ZBED6: variants seen among roughly 807,000 people sequenced by gnomAD.
The protein encoded by ZBED6 is zinc finger BED-type containing 6.
Under a neutral mutation model 58.4 loss-of-function variants are expected in ZBED6, and 40 were observed. That is an observed-to-expected ratio of 0.68 (90% CI 0.53 to 0.89). The LOEUF (loss-of-function observed/expected upper bound fraction) is 0.89, where lower values mean the gene tolerates loss of function less well. ZBED6 is among the 40% of genes least tolerant of loss of function. The pLI, the probability that ZBED6 is intolerant of heterozygous loss-of-function variation, is 0.00. For synonymous variants in ZBED6, 439 were observed against 350.6 expected, an observed-to-expected ratio of 1.25 and a Z score of -2.82; for missense variants, 1,057 against 1,003.9, an observed-to-expected ratio of 1.05 and a Z score of -0.71.
chr1:203,802,743 T>A (rs1571908234), exon 1 of ZBED6: 1 of 152,378 alleles, frequency 6.6e-6, no homozygotes, highest in Non-Finnish European at 1.5e-5. Context: ...TTGTTTTGTT[T>A]TGTTTTGTTT....
intron 10 of ZBED6, among the ~76,000 whole-genome samples, chr1:203,838,972 A>AAAAG (rs1558133942): frequency 1.3e-5 from 2 of 151,230 alleles, no homozygotes; most frequent in African/African-American, 2.4e-5. Flanking sequence ...AAAAAAAAAA[A>AAAAG]AAAGAAAGAA....
rs144752200 is a variant in ZBED6 at position 203,829,662 on chromosome 1, C to G, written c.*3201+8C>G. The G allele has an allele frequency of 2.8e-4, 453 of 1,614,218 alleles. 4 individuals are homozygous for G. The East Asian group carries it at 1.0e-2, about 35-fold the overall frequency. On this transcript the variant is annotated splice_region_variant and intron_variant, in intron 5 of 16. Transcript: ENST00000550078. ...ATGATGAAGATGATGATGGTAAGTT[C>G]TGTCTGGCTCCTTCTTTAAGGCAAA...
intron 16 of ZBED6, among the ~76,000 whole-genome samples, chr1:203,851,906 C>G (rs1689378874): frequency 7.7e-6 from 1 of 130,166 alleles, no homozygotes; most frequent in Non-Finnish European, 1.6e-5. Flanking sequence ...GAGGTCGAGG[C>G]TGCAGTGAGC....
chr1:203,810,706 A>G (rs1347401644), intron 1 of ZBED6, among the ~76,000 whole-genome samples: 1 of 152,118 alleles, frequency 6.6e-6, no homozygotes, highest in Admixed American at 6.5e-5. Flanking sequence ...GGCGTGAGCC[A>G]CCGCGCCCGG....
chr1:203,800,076 G>T (rs1670080813), exon 1 of ZBED6: 2 of 1,535,936 alleles, frequency 1.3e-6, no homozygotes, highest in East Asian at 4.9e-5. Context: ...AGACAATGTT[G>T]CCCTTGGAAG....
intron 4 of ZBED6, among the ~76,000 whole-genome samples, chr1:203,828,813 G>A (rs1317992714): frequency 1.3e-5 from 2 of 152,140 alleles, no homozygotes; most frequent in South Asian, 2.1e-4. Flanking sequence ...TTGTGCTAGT[G>A]CTATAGAATT....
chr1:203,843,874 T>C (rs544142067), intron 11 of ZBED6, among the ~76,000 whole-genome samples: 1 of 152,308 alleles, frequency 6.6e-6, no homozygotes, highest in Non-Finnish European at 1.5e-5. Flanking sequence ...TCTTTTTTTT[T>C]GAGATGGAGT....
exon 1 of ZBED6, chr1:203,799,986 G>A (rs1204469414): frequency 6.5e-7 from 1 of 1,536,020 alleles, no homozygotes; most frequent in Non-Finnish European, 8.7e-7. Flanking sequence ...TTGTCCCTCA[G>A]TTACAGTGGG....
intron 16 of ZBED6, 105 bp from the exon 17 acceptor site, chr1:203,852,036 T>A (rs1350563646): frequency 8.2e-7 from 1 of 1,226,506 alleles, no homozygotes; most frequent in Non-Finnish European, 1.1e-6. Context: ...TCTTTATGTA[T>A]GTTCTTAAAA....
chr1:203,833,051 T>C (rs1378255619), intron 8 of ZBED6, among the ~76,000 whole-genome samples: 5 of 151,742 alleles, frequency 3.3e-5, no homozygotes, highest in Non-Finnish European at 7.4e-5. Context: ...CTGGCCAACA[T>C]GGTGAAACCC....
chr1:203,800,415 G>T lies in ZBED6; in HGVS notation c.2893G>T (p.Glu965Ter). The T allele has an allele frequency of 7.7e-7, 1 of 1,302,234 alleles. No individual in the cohort carries two copies. The allele number at this position is 1,302,234 out of a possible 1,614,324, so 80.7% of individuals were successfully genotyped here. Residue 965 changes from glutamate to a stop codon, truncating the protein, a stop_gained, in exon 1 of 17, where the codon GAG becomes TAG. Transcript: ENST00000550078. LOFTEE classifies it high-confidence loss of function. ...TACGTTGGTTCTGAGCTGGGATCCT[G>T]AGCAGAATGAAGTTGTTCAAAGCAG...
intron 2 of ZBED6, among the ~76,000 whole-genome samples, chr1:203,817,519 G>A (rs1275727779): frequency 6.8e-6 from 1 of 146,536 alleles, no homozygotes; most frequent in Non-Finnish European, 1.5e-5. Flanking sequence ...ACTGTCATGG[G>A]TTGAATTTGA....
Position 203,843,065 on chromosome 1 carries a change from T to A in ZBED6, c.*3741+2691T>A, listed in dbSNP as rs535724040. On this transcript the variant is annotated intron_variant, in intron 11 of 16. Coordinates refer to ENST00000550078, the Ensembl canonical transcript of ZBED6. ...TTATCTCATTTGGATGTTAAAGTTA[T>A]ATTAGCATCATAAAAAGGGAGTCCG... is the stretch of plus-strand genomic sequence containing the variant. 1.1e-3 allele frequency among the ~76,000 whole-genome samples: 164 copies of A among 152,296 alleles called. 1 individual carries two copies. Among genetic ancestry groups the A allele is most frequent in the African/African-American group, 3.8e-3 (159 of 41,574 alleles).
At chr1:203,843,331 C>T (rs1459735935) in intron 11 of ZBED6, among the ~76,000 whole-genome samples, 2 of 152,068 alleles carry the variant, frequency 1.3e-5, no homozygotes, top group Non-Finnish European at 2.9e-5. Context: ...CTCTAGAAAA[C>T]ATTAATTTCT....
intron 1 of ZBED6, among the ~76,000 whole-genome samples, chr1:203,804,388 G>A (rs879315846): frequency 1.3e-5 from 2 of 151,728 alleles, no homozygotes; most frequent in African/African-American, 2.4e-5. Flanking sequence ...TCCTGACCTC[G>A]TGATCCGCCC....
At chr1:203,847,325 C>G (rs781570408) in exon 12 of ZBED6, 2 of 1,613,628 alleles carry the variant, frequency 1.2e-6, no homozygotes, top group Admixed American at 3.3e-5. Flanking sequence ...ACTTCAGGAG[C>G]AAGAAGCTCC....
chr1:203,824,272 A>AC (rs1298339482), intron 3 of ZBED6, among the ~76,000 whole-genome samples: 1 of 67,316 alleles, frequency 1.5e-5, no homozygotes, highest in Non-Finnish European at 3.4e-5. Context: ...CCATCTCAAA[A>AC]TTAAAAAAAA....
At chr1:203,820,616 A>T (rs1678287869) in intron 3 of ZBED6, among the ~76,000 whole-genome samples, 1 of 151,836 alleles carries the variant, frequency 6.6e-6, no homozygotes, top group Non-Finnish European at 1.5e-5. Context: ...TAGCTGGGAC[A>T]ACGGGCATGC....
rs997865157 is a variant in ZBED6 at position 203,805,829 on chromosome 1, G to A, written c.*2554+2813G>A. 6 of 886,840 alleles carry A rather than the reference G, an allele frequency of 6.8e-6. No homozygotes were observed. The Admixed American group carries it at 7.1e-5, about 10-fold the overall frequency. 54.9% of individuals were successfully genotyped at this position (886,840 alleles called of 1,614,324 possible). On this transcript the variant is annotated intron_variant, in intron 1 of 16. Coordinates refer to ENST00000550078, the Ensembl canonical transcript of ZBED6. ...TCTGGGCCGCCATAACTGCGACTCA[G>A]TGCTTCTTGGATTTCATTTGCATCT... is the stretch of plus-strand genomic sequence containing the variant.
Sources: gnomAD v4.1 joint callset for allele counts (sites outside exome capture counted in the v4.1 genomes callset) on GRCh38, gnomAD v4.1.1 for gene constraint, MANE v1.5 for transcripts, NCBI Gene and HGNC (gene_info 2026-07-23, HGNC 2026-07-21) for gene names.